The following PTPRZ1 variants were observed in gnomAD, a reference collection of about 807,000 sequenced individuals.
PTPRZ1 encodes the protein protein tyrosine phosphatase receptor type Z1, also known as receptor-type tyrosine-protein phosphatase zeta.
A neutral mutation model predicts 214.1 loss-of-function variants in PTPRZ1; 82 were observed. The ratio of observed to expected loss-of-function variants is 0.38; its 90% confidence interval spans 0.32 to 0.46. The LOEUF (loss-of-function observed/expected upper bound fraction) is 0.46. Ranked by LOEUF, PTPRZ1 falls within the 20% of genes least tolerant of loss-of-function variation. The pLI is 1.00. For synonymous variants in PTPRZ1, 945 were observed against 987.9 expected, an observed-to-expected ratio of 0.96 and a Z score of 0.81; for missense variants, 2,603 against 2,748.7, an observed-to-expected ratio of 0.95 and a Z score of 1.19.
chr7:121,884,527 C>T (rs1367143653), intron 1 of PTPRZ1, among the ~76,000 whole-genome samples: 2 of 152,112 alleles, frequency 1.3e-5, no homozygotes, highest in Non-Finnish European at 2.9e-5. Context: ...CTGACATTTT[C>T]CTGCCTCCAA....
At chr7:122,038,336 C>T (rs1306356500) in intron 18 of PTPRZ1, among the ~76,000 whole-genome samples, 5 of 152,094 alleles carry the variant, frequency 3.3e-5, no homozygotes, top group African/African-American at 9.7e-5. Flanking sequence ...GGTTACACTC[C>T]AGATGCTTTT....
rs764168580 is a variant in PTPRZ1 at position 122,055,019 on chromosome 7, G to C, written c.6460G>C (p.Glu2154Gln). Residue 2154 changes from glutamate (E) to glutamine (Q), a missense_variant, in exon 27 of 30, where the codon GAA (glutamate) becomes CAA (glutamine). Physicochemically the swap from Glu to Gln is conservative, Grantham distance 29. This residue lies in a region of PTPRZ1 where 134 missense variants were observed against 183.3 expected (regional missense o/e 0.73). Transcript: ENST00000393386. The part of the protein sequence containing the change: ...CESFKVTLMA[E>Q]EHKCLSNEEK... ...GAGCTTTAAGGTCACTCTTATGGCT[G>C]AAGAACACAAATGTCTATCTAATGA... 6.2e-7 allele frequency: 1 copy of C among 1,604,712 alleles called. No individual in the cohort carries two copies. The highest frequency in any genetic ancestry group is 8.5e-7 in the Non-Finnish European group (1 of 1,172,624).
chr7:121,987,197 T>TA (rs976510028), intron 8 of PTPRZ1, among the ~76,000 whole-genome samples: 6 of 152,152 alleles, frequency 3.9e-5, no homozygotes, highest in Non-Finnish European at 7.4e-5. Flanking sequence ...TGCTGGGCCT[T>TA]AGAGTCTTTG....
Position 121,997,870 on chromosome 7 carries a change from T to G in PTPRZ1, c.1114-10T>G. 1 of 1,597,552 alleles carries G rather than the reference T, an allele frequency of 6.3e-7. No individual in the cohort carries two copies. The highest frequency in any genetic ancestry group is 8.6e-7 in the Non-Finnish European group (1 of 1,168,464). On this transcript the variant is annotated splice_polypyrimidine_tract_variant and intron_variant, in intron 9 of 29. Transcript: ENST00000393386. ...TAACATTTGTATAATTACTAACATC[T>G]TTCTTTTAGGGTGCTATTCTCAATA... is the stretch of plus-strand genomic sequence containing the variant.
At chr7:121,924,217 A>T (rs904878243) in intron 1 of PTPRZ1, among the ~76,000 whole-genome samples, 28 of 152,244 alleles carry the variant, frequency 1.8e-4, no homozygotes, top group Admixed American at 8.5e-4. Flanking sequence ...CAGAAAAAAA[A>T]TTCTATATTT....
At chr7:121,987,025 T>G (rs1443955881) in intron 8 of PTPRZ1, among the ~76,000 whole-genome samples, 1 of 152,190 alleles carries the variant, frequency 6.6e-6, no homozygotes, top group Non-Finnish European at 1.5e-5. Flanking sequence ...GCTTAGACAA[T>G]ATTGCTTATA....
At chr7:121,976,713 A>G (rs1345650763) in intron 5 of PTPRZ1, 72 bp from the exon 6 acceptor site, 3 of 1,209,156 alleles carry the variant, frequency 2.5e-6, no homozygotes, top group Non-Finnish European at 3.4e-6. Flanking sequence ...GAATTCATTA[A>G]TCTTCACATT....
intron 28 of PTPRZ1, 198 bp from the exon 29 acceptor site, chr7:122,059,555 C>A: frequency 1.8e-6 from 1 of 563,426 alleles, no homozygotes; most frequent in Non-Finnish European, 3.0e-6. Flanking sequence ...TAAAGTATTC[C>A]ACTATTGATA....
chr7:122,060,781 A>G (rs1279612703), intron 29 of PTPRZ1, among the ~76,000 whole-genome samples: 1 of 152,216 alleles, frequency 6.6e-6, no homozygotes, highest in Non-Finnish European at 1.5e-5. Context: ...GGTTTCGCCC[A>G]CAAGTTAACA....
intron 25 of PTPRZ1, 73 bp from the exon 26 acceptor site, chr7:122,053,837 G>A (rs1277748076): frequency 6.5e-6 from 10 of 1,541,050 alleles, no homozygotes; most frequent in Non-Finnish European, 8.8e-6. Flanking sequence ...AAGGTCCATT[G>A]ATGTATAAAT....
chr7:122,028,565 A>T lies in PTPRZ1; in HGVS notation c.5002A>T (p.Thr1668Ser). Residue 1668 changes from threonine (T) to serine (S), a missense_variant, in exon 14 of 30, where the codon ACT becomes TCT. Coordinates refer to ENST00000393386, the MANE Select transcript of PTPRZ1 (RefSeq NM_002851.3). Reference sequence around the variant, plus strand: ...TTTTATTTCCAGGAAATGCTTCCAGACTGCACACTTTTACTTAGAGGACAG... The same window carrying T: ...TTTTATTTCCAGGAAATGCTTCCAGTCTGCACACTTTTACTTAGAGGACAG... ...ILIYWRKCFQ[T>S]AHFYLEDSTS... 6.5e-7 allele frequency: 1 copy of T among 1,537,538 alleles called. No individual in the cohort carries two copies. Among genetic ancestry groups the T allele is most frequent in the Non-Finnish European group, 9.0e-7 (1 of 1,110,896 alleles).
intron 15 of PTPRZ1, among the ~76,000 whole-genome samples, chr7:122,033,110 C>A (rs1226558654): frequency 1.3e-5 from 2 of 151,694 alleles, no homozygotes; most frequent in Non-Finnish European, 2.9e-5. Context: ...AATAAAATAA[C>A]TTCATGTTTT....
At chr7:121,982,399 A>G (rs746195909) in intron 6 of PTPRZ1, among the ~76,000 whole-genome samples, 27 of 152,168 alleles carry the variant, frequency 1.8e-4, no homozygotes, top group Non-Finnish European at 2.8e-4. Context: ...TTTAGAATCA[A>G]TATGTCAATT....
chr7:121,904,766 T>C (rs1378643784), intron 1 of PTPRZ1, among the ~76,000 whole-genome samples: 4 of 152,182 alleles, frequency 2.6e-5, no homozygotes, highest in Admixed American at 2.0e-4. Flanking sequence ...AGAGTTTTAT[T>C]GTTTGGTTCC....
rs1397870786 is a variant in PTPRZ1, at chr7:122,055,525, G to A, written c.6528+438G>A. The stretch of plus-strand genomic sequence containing the variant: ...AAACTTACTATTCTCTACCAATGTA[G>A]AAAGTTGATGAGTGATAGTGATGTA... On this transcript the variant is annotated intron_variant, in intron 27 of 29. Coordinates refer to ENST00000393386, the MANE Select transcript of PTPRZ1 (RefSeq NM_002851.3). 2.6e-5 allele frequency among the ~76,000 whole-genome samples: 4 copies of A among 151,814 alleles called. No homozygotes were observed. In the South Asian group the frequency reaches 6.2e-4, roughly 24 times the overall value.
At chr7:122,036,772 CTTA>C in intron 18 of PTPRZ1, 90 bp downstream of exon 18, 1 of 783,762 alleles carries the variant, frequency 1.3e-6, no homozygotes, top group Non-Finnish European at 2.1e-6. Context: ...TATACTAGTG[CTTA>C]ATGTCATGTT....
At chr7:121,873,604 A>T in intron 1 of PTPRZ1, 47 bp downstream of exon 1, 6 of 1,603,676 alleles carry the variant, frequency 3.7e-6, no homozygotes, top group Non-Finnish European at 5.1e-6. Context: ...GATCGGTGGG[A>T]TGAGGGTGGG....
rs1798706656 is a variant in PTPRZ1, at chr7:122,012,556, T to C, written c.3510T>C (p.Tyr1170=). 6.2e-7 allele frequency: 1 copy of C among 1,613,224 alleles called. No individual in the cohort carries two copies. The highest frequency in any genetic ancestry group is 8.5e-7 in the Non-Finnish European group (1 of 1,179,282). The stretch of plus-strand genomic sequence containing the variant: ...CTCCTTCAACTCAGCTCTTATTTTA[T>C]GAGACCTCAGCTTCTTTTAGTACTG... ...MLSPSTQLLF[Y]ETSASFSTEV... is the part of the protein sequence containing the mutation. Residue 1170 remains tyrosine, a synonymous_variant, in exon 12 of 30, where the codon TAT becomes TAC. Coordinates refer to ENST00000393386, the MANE Select transcript of PTPRZ1 (RefSeq NM_002851.3).
intron 2 of PTPRZ1, among the ~76,000 whole-genome samples, chr7:121,945,878 A>G (rs1195550555): frequency 2.0e-5 from 3 of 152,090 alleles, no homozygotes; most frequent in Admixed American, 6.6e-5. Flanking sequence ...TGATGGGGTA[A>G]TTTTCTCAAA....
Sources: gnomAD v4.1 joint callset for allele counts (sites outside exome capture counted in the v4.1 genomes callset) on GRCh38, gnomAD v4.1.1 for gene constraint, gnomAD v4.1.1 regional missense constraint, MANE v1.5 for transcripts, NCBI Gene and HGNC (gene_info 2026-07-23, HGNC 2026-07-21) for gene names.